The following ADGRV1 variants were observed in gnomAD, a reference collection of about 807,000 sequenced individuals.
The protein encoded by ADGRV1 is adhesion G protein-coupled receptor V1, also known as G-protein coupled receptor 98.
In ADGRV1, 359 loss-of-function variants were observed where a neutral mutation model predicts 596.2. The ratio of observed to expected loss-of-function variants is 0.60; its 90% CI spans 0.55 to 0.66. The LOEUF (loss-of-function observed/expected upper bound fraction) is 0.66. Ranked by LOEUF, ADGRV1 falls within the 30% of genes least tolerant of loss-of-function variation. ADGRV1 has a pLI of 0.00. For missense variants in ADGRV1, 7,274 were observed against 7,575.6 expected (o/e 0.96, Z 1.48); for synonymous variants, 2,681 against 2,679.2 (o/e 1.00, Z -0.02).
Position 90,810,734 on chromosome 5 carries a change from C to T in ADGRV1, c.15474C>T (p.Thr5158=). Residue 5158 remains threonine, a synonymous_variant, in exon 74 of 90, where the codon ACC becomes ACT. Coordinates refer to ENST00000405460, the MANE Select transcript of ADGRV1 (RefSeq NM_032119.4). ...TCATTCCTGTAGAAACTGAATCCAC[C>T]ACATACCTCAGCACAAGCAAGACGA... is the stretch of plus-strand genomic sequence containing the variant. ...TTLIPVETES[T]TYLSTSKTTT... The T allele has an allele frequency of 6.2e-7, 1 of 1,613,792 alleles. No homozygotes were observed. The highest frequency in any genetic ancestry group is 1.1e-5 in the South Asian group (1 of 91,046).
At chr5:91,068,615 A>G (rs911268378) in intron 85 of ADGRV1, among the ~76,000 whole-genome samples, 2 of 152,082 alleles carry the variant, frequency 1.3e-5, no homozygotes, top group African/African-American at 4.8e-5. Flanking sequence ...ACTACAAAAC[A>G]CTGCTGAAAG....
intron 89 of ADGRV1, 62 bp downstream of exon 89, chr5:91,153,460 T>G: frequency 7.8e-7 from 1 of 1,281,258 alleles, no homozygotes; most frequent in African/African-American, 1.5e-5. Flanking sequence ...CAATTTATAT[T>G]TTCTTTCCAT....
chr5:90,816,058 A>G (rs930630235), intron 75 of ADGRV1, among the ~76,000 whole-genome samples: 3 of 152,208 alleles, frequency 2.0e-5, no homozygotes, highest in Non-Finnish European at 4.4e-5. Context: ...GGAGTACCAA[A>G]ACTTTGTTTG....
At chr5:90,801,619 C>T (rs565343684) in intron 70 of ADGRV1, among the ~76,000 whole-genome samples, 1 of 151,612 alleles carries the variant, frequency 6.6e-6, no homozygotes, top group South Asian at 2.1e-4. Context: ...TCATGTTGCC[C>T]AATATTTGAA....
In ADGRV1 at chr5:90,690,951, T is replaced by A; in HGVS notation, c.6861T>A (p.Val2287=). The change falls in exon 31 of 90, where the codon GTT becomes GTA. Residue 2287 remains valine, a synonymous_variant. Transcript: ENST00000405460. ...NGQLATGDLR[V]VSGNVTFAPG... is the part of the protein sequence containing the mutation. ...AGCTTGCTACTGGCGACCTGCGAGT[T>A]GTCTCAGGTAATGTGACCTTTGCCC... 1 of 1,613,880 alleles carries A rather than the reference T, an allele frequency of 6.2e-7. No homozygotes were observed. The highest frequency in any genetic ancestry group is 8.5e-7 in the Non-Finnish European group (1 of 1,179,808).
In ADGRV1 at chr5:90,728,873, G is replaced by T; in HGVS notation, c.10366G>T (p.Val3456Phe). ...QEVPVSGTTE[V>F]EALSSANDIY... is the part of the protein sequence containing the mutation. The stretch of plus-strand genomic sequence containing the variant: ...GGTGCCTGTCAGTGGGACAACAGAA[G>T]TTGAGGCTTTGTCTTCAGCCAATGA... The change falls in exon 49 of 90, where the codon GTT (valine) becomes TTT (phenylalanine). Residue 3456 changes from valine (V) to phenylalanine (F), a missense_variant. This residue lies in a region of ADGRV1 where 3,643 missense variants were observed against 3,809.2 expected (regional missense o/e 0.96). Coordinates refer to ENST00000405460, the MANE Select transcript of ADGRV1 (RefSeq NM_032119.4). 6.2e-7 allele frequency: 1 copy of T among 1,613,654 alleles called. No homozygotes were observed. The highest frequency in any genetic ancestry group is 1.1e-5 in the South Asian group (1 of 91,058).
intron 83 of ADGRV1, among the ~76,000 whole-genome samples, chr5:90,945,615 CT>C (rs1050035311): frequency 1.3e-5 from 2 of 152,274 alleles, no homozygotes; most frequent in South Asian, 4.1e-4. Context: ...TACCTAATGC[CT>C]TCATCCTACA....
chr5:90,997,163 A>C (rs1457656161), intron 85 of ADGRV1, among the ~76,000 whole-genome samples: 1 of 152,010 alleles, frequency 6.6e-6, no homozygotes, highest in African/African-American at 2.4e-5. Flanking sequence ...TTGGGAGGGG[A>C]CAGTGGTAGT....
At chr5:90,930,357 G>C (rs1170908434) in intron 83 of ADGRV1, among the ~76,000 whole-genome samples, 1 of 152,078 alleles carries the variant, frequency 6.6e-6, no homozygotes, top group Non-Finnish European at 1.5e-5. Flanking sequence ...TAGTGAATGA[G>C]AATGCCAACT....
At chr5:91,073,457 A>G (rs1788565352) in intron 86 of ADGRV1, among the ~76,000 whole-genome samples, 1 of 152,234 alleles carries the variant, frequency 6.6e-6, no homozygotes, top group South Asian at 2.1e-4. Context: ...AGTAGCATAT[A>G]TAAGGTCTCT....
intron 21 of ADGRV1, 65 bp from the exon 22 acceptor site, chr5:90,672,481 G>A: frequency 2.4e-6 from 3 of 1,270,128 alleles, no homozygotes; most frequent in African/African-American, 1.5e-5. Flanking sequence ...TTTCATGGAA[G>A]CATTGTAATT....
At chr5:91,135,861 A>G (rs1794587856) in intron 87 of ADGRV1, among the ~76,000 whole-genome samples, 1 of 152,128 alleles carries the variant, frequency 6.6e-6, no homozygotes, top group African/African-American at 2.4e-5. Flanking sequence ...GGGTTACCTA[A>G]CCCAGTATGG....
Position 90,851,102 on chromosome 5 carries a change from G to GGTGTGTGTGTGTGT in ADGRV1, c.17205-2162_17205-2149dup, listed in dbSNP as rs371933419. 9.3e-3 allele frequency among the ~76,000 whole-genome samples: 469 copies of GGTGTGTGTGTGTGT among 50,538 alleles called. 15 individuals are homozygous for GGTGTGTGTGTGTGT. The highest frequency in any genetic ancestry group is 0.013 in the Non-Finnish European group (300 of 23,288). 33.2% of individuals were successfully genotyped at this position (50,538 alleles called of 152,430 possible). On this transcript the variant is annotated intron_variant, in intron 79 of 89. Transcript: ENST00000405460. ...ATTGAACATGGAGTAAGCTAGGTAG[G>GGTGTGTGTGTGTGT]GTGTGTGTGTGTGTGTGTGTGTGTG...
intron 83 of ADGRV1, among the ~76,000 whole-genome samples, chr5:90,912,703 G>T (rs759047010): frequency 2.2e-4 from 33 of 152,190 alleles, no homozygotes; most frequent in Admixed American, 3.9e-4. Flanking sequence ...ATTTGCTTAG[G>T]ATAATAGCCT....
chr5:91,136,315 G>T (rs972157736), intron 87 of ADGRV1, among the ~76,000 whole-genome samples: 3 of 152,086 alleles, frequency 2.0e-5, no homozygotes, highest in African/African-American at 7.2e-5. Flanking sequence ...CCTTAAGGAA[G>T]GTGGTCAAGA....
Position 90,679,587 on chromosome 5 carries a change from G to A in ADGRV1, c.5482G>A (p.Asp1828Asn). 1 of 1,613,756 alleles carries A rather than the reference G, an allele frequency of 6.2e-7. No homozygotes were observed. The highest frequency in any genetic ancestry group is 8.5e-7 in the Non-Finnish European group (1 of 1,179,750). Residue 1828 changes from aspartate to asparagine, a missense_variant, in exon 26 of 90, where the codon GAT becomes AAT. This residue lies in a region of ADGRV1 where 3,643 missense variants were observed against 3,809.2 expected (regional missense o/e 0.96). Transcript: ENST00000405460. ...TAGGGTTGATGGAAGTGGTAGTGGTGATGGGGACATGGAATTCTTCCTTCC... is the reference window on the plus strand; with the variant it reads ...TAGGGTTGATGGAAGTGGTAGTGGTAATGGGGACATGGAATTCTTCCTTCC... ...LFRVDGSGSGDGDMEFFLPTI... is the reference protein window; with the variant it reads ...LFRVDGSGSGNGDMEFFLPTI...
chr5:91,054,098 T>TGA (rs1285420454), intron 85 of ADGRV1, among the ~76,000 whole-genome samples: 296 of 124,538 alleles, frequency 2.4e-3, no homozygotes, highest in South Asian at 8.9e-3. Context: ...TGTGTGTGTG[T>TGA]GTGTGAGAGA....
chr5:91,065,426 G>C (rs1373017915), intron 85 of ADGRV1, among the ~76,000 whole-genome samples: 4 of 152,216 alleles, frequency 2.6e-5, no homozygotes, highest in Admixed American at 2.6e-4. Context: ...TAACCTGGCT[G>C]TCCAGCTGCC....
rs17621985 is a variant in ADGRV1, at chr5:90,691,146, T to G, written c.6951+105T>G. 102,665 of 1,377,602 alleles carry G rather than the reference T, an allele frequency of 0.075. 4,375 individuals carry two copies. The highest frequency in any genetic ancestry group is 0.084 in the Non-Finnish European group (81,711 of 967,376). The allele number at this position is 1,377,602 out of a possible 1,614,324, so 85.3% of individuals were successfully genotyped here. On this transcript the variant is annotated intron_variant, in intron 31 of 89. Coordinates refer to ENST00000405460, the MANE Select transcript of ADGRV1 (RefSeq NM_032119.4). ...ATTTTGGAGAGGATGTCAAATAAAT[T>G]ATTCCTGCAAGAATGTTCAAACTAT...
Sources: allele counts gnomAD v4.1 joint callset (sites outside exome capture counted in the v4.1 genomes callset), GRCh38; gene constraint gnomAD v4.1.1; regional missense constraint gnomAD v4.1.1; transcripts MANE v1.5; gene names NCBI Gene and HGNC (gene_info 2026-07-23, HGNC 2026-07-21).